The following CABLES1 variants were observed in gnomAD, a reference collection of about 807,000 sequenced individuals.
The protein encoded by CABLES1 is Cdk5 and Abl enzyme substrate 1.
In CABLES1, 36 loss-of-function variants were observed where a neutral mutation model predicts 57.8. That is an observed-to-expected ratio of 0.62 (90% CI 0.48 to 0.82). The LOEUF (loss-of-function observed/expected upper bound fraction) is 0.82, where lower values mean the gene tolerates loss of function less well. Among genes scored for constraint, CABLES1 ranks in the 40% least tolerant of loss-of-function variants. The pLI is 0.00. For missense variants in CABLES1, 767 were observed against 836.6 expected (o/e 0.92, Z 1.03); for synonymous variants, 374 against 363.0 (o/e 1.03, Z -0.35).
chr18:23,237,920 G>A (rs964923053), intron 7 of CABLES1, among the ~76,000 whole-genome samples: 5 of 151,966 alleles, frequency 3.3e-5, no homozygotes, highest in East Asian at 3.9e-4. Context: ...GCAGAGCCCC[G>A]CCTGCTGTGG....
intron 4 of CABLES1, 103 bp downstream of exon 4, chr18:23,214,157 T>C: frequency 1.4e-6 from 1 of 736,618 alleles, no homozygotes. Flanking sequence ...TTGCCTTGCT[T>C]TGATACTGCA....
At chr18:23,230,368 T>C (rs747616875) in intron 4 of CABLES1, among the ~76,000 whole-genome samples, 5 of 152,164 alleles carry the variant, frequency 3.3e-5, no homozygotes, top group Non-Finnish European at 7.4e-5. Context: ...CAAGACTCCA[T>C]CTCAAAACAA....
intron 1 of CABLES1, among the ~76,000 whole-genome samples, chr18:23,166,684 T>C (rs536755027): frequency 2.7e-4 from 41 of 152,380 alleles, no homozygotes; most frequent in African/African-American, 9.9e-4. Flanking sequence ...CTGTCAGTTA[T>C]AATTTTTTGT....
chr18:23,144,995 G>A (rs897507245), intron 1 of CABLES1, among the ~76,000 whole-genome samples: 4 of 151,446 alleles, frequency 2.6e-5, no homozygotes, highest in Admixed American at 6.6e-5. Flanking sequence ...GAGTACAGTG[G>A]CGCAATCTCG....
At chr18:23,142,131 A>G (rs1011018073) in intron 1 of CABLES1, among the ~76,000 whole-genome samples, 14 of 152,154 alleles carry the variant, frequency 9.2e-5, no homozygotes, top group African/African-American at 3.4e-4. Context: ...GGGCATGTTT[A>G]GCCTGGGGAC....
intron 4 of CABLES1, among the ~76,000 whole-genome samples, chr18:23,216,070 A>G (rs1316027690): frequency 6.6e-6 from 1 of 152,164 alleles, no homozygotes; most frequent in Non-Finnish European, 1.5e-5. Context: ...AACTTTTAAT[A>G]CATGCTGGAG....
intron 3 of CABLES1, among the ~76,000 whole-genome samples, chr18:23,198,612 T>C (rs982971114): frequency 1.3e-5 from 2 of 152,198 alleles, no homozygotes; most frequent in Non-Finnish European, 2.9e-5. Flanking sequence ...ACAGAGCCCT[T>C]AAAAGCGGAA....
chr18:23,257,145 G>A (rs1043267053), intron 9 of CABLES1, 82 bp from the exon 10 acceptor site: 2 of 1,501,188 alleles, frequency 1.3e-6, no homozygotes, highest in African/African-American at 2.8e-5. Flanking sequence ...TCACTGGCTG[G>A]TGGATAGAGA....
rs145308301 is a variant in CABLES1 at position 23,234,123 on chromosome 18, C to G, written c.1089-485C>G. ...ATCCCAGCTACTCAGGAGGCTGAGG[C>G]AGAAGAATCGCTTGAACCTGGGAGG... On this transcript the variant is annotated intron_variant, in intron 4 of 9. Coordinates refer to ENST00000256925, the MANE Select transcript of CABLES1 (RefSeq NM_001100619.3). Among the ~76,000 whole-genome samples, 121 of 152,288 alleles carry G rather than the reference C, an allele frequency of 7.9e-4. No homozygotes were observed. The East Asian group carries it at 0.023, about 29-fold the overall frequency.
intron 1 of CABLES1, among the ~76,000 whole-genome samples, chr18:23,140,216 G>A (rs1203176275): frequency 2.6e-5 from 4 of 152,160 alleles, no homozygotes; most frequent in Non-Finnish European, 4.4e-5. Flanking sequence ...ATAGGTGAAA[G>A]GGAGTGTGAA....
At chr18:23,181,840 G>A (rs938649455) in intron 1 of CABLES1, among the ~76,000 whole-genome samples, 2 of 152,230 alleles carry the variant, frequency 1.3e-5, no homozygotes, top group Non-Finnish European at 1.5e-5. Flanking sequence ...TGGGTGTCTT[G>A]TGACTGTGTT....
chr18:23,148,713 G>A (rs1189453255), intron 1 of CABLES1, among the ~76,000 whole-genome samples: 1 of 152,154 alleles, frequency 6.6e-6, no homozygotes, highest in Non-Finnish European at 1.5e-5. Context: ...TTGAAACTGG[G>A]CCTTCAGGTC....
chr18:23,141,750 C>T (rs1271284380), intron 1 of CABLES1, among the ~76,000 whole-genome samples: 1 of 151,990 alleles, frequency 6.6e-6, no homozygotes, highest in African/African-American at 2.4e-5. Context: ...CTGGGGAGGC[C>T]AGTGAGCTCA....
At chr18:23,242,236 C>G (rs1303199025) in intron 7 of CABLES1, among the ~76,000 whole-genome samples, 1 of 152,122 alleles carries the variant, frequency 6.6e-6, no homozygotes, top group Non-Finnish European at 1.5e-5. Flanking sequence ...TGAGATCACA[C>G]TATTGCACTC....
chr18:23,222,302 CA>C lies in CABLES1; in HGVS notation c.1088+8249del, dbSNP rs554376767. On this transcript the variant is annotated intron_variant, in intron 4 of 9. Coordinates refer to ENST00000256925, the MANE Select transcript of CABLES1 (RefSeq NM_001100619.3). The stretch of plus-strand genomic sequence containing the variant: ...CCCCCAGCACCTGTTCCCCCACCCC[CA>C]GCTCCACTAAGAGCCCCTTCCTGTC... Among the ~76,000 whole-genome samples the C allele has an allele frequency of 2.1e-3, 312 of 152,182 alleles. 1 individual carries two copies. Among genetic ancestry groups the C allele is most frequent in the African/African-American group, 7.2e-3 (298 of 41,498 alleles).
In CABLES1 at chr18:23,205,181, CTTTTTT is replaced by C. The variant is rs34690271; in HGVS notation, c.1011-8777_1011-8772del. On this transcript the variant is annotated intron_variant, in intron 3 of 9. Transcript: ENST00000256925. The stretch of plus-strand genomic sequence containing the variant: ...AATTCCAAAAGGACTTCATTCCTGA[CTTTTTT>C]TTTTTTTTTTTTTTTTTTGAGACGG... Among the ~76,000 whole-genome samples the C allele has an allele frequency of 7.4e-5, 6 of 81,188 alleles. 1 individual carries two copies. Among genetic ancestry groups the C allele is most frequent in the African/African-American group, 1.5e-4 (3 of 19,700 alleles). 53.3% of individuals were successfully genotyped at this position (81,188 alleles called of 152,430 possible). A position where few individuals can be genotyped will look rare whatever the true frequency, so the allele number is the denominator to read the frequency against.
rs914289893 is a variant in CABLES1 at position 23,245,503 on chromosome 18, C to CAA, written c.1447-7441_1447-7440dup. ...GGCAACAGAGTCACCCATCCTGTCTCAAAAAAAAAAAAAAAAAGCGAAATA... is the reference window on the plus strand; with the variant it reads ...GGCAACAGAGTCACCCATCCTGTCTCAAAAAAAAAAAAAAAAAAAGCGAAATA... On this transcript the variant is annotated intron_variant, in intron 7 of 9. Coordinates refer to ENST00000256925, the MANE Select transcript of CABLES1 (RefSeq NM_001100619.3). 4.6e-3 allele frequency among the ~76,000 whole-genome samples: 433 copies of CAA among 94,568 alleles called. 4 individuals are homozygous for CAA. Among genetic ancestry groups the CAA allele is most frequent in the African/African-American group, 0.016 (408 of 26,298 alleles). 62.0% of individuals were successfully genotyped at this position (94,568 alleles called of 152,430 possible). A position where few individuals can be genotyped will look rare whatever the true frequency, so the allele number is the denominator to read the frequency against.
At chr18:23,214,327 A>G (rs1330290290) in intron 4 of CABLES1, 3 of 327,480 alleles carry the variant, frequency 9.2e-6, no homozygotes, top group Non-Finnish European at 1.7e-5. Flanking sequence ...TAGCAAGAAC[A>G]TTATGGGGCC....
At chr18:23,183,525 G>A (rs888052901) in intron 1 of CABLES1, among the ~76,000 whole-genome samples, 1 of 152,194 alleles carries the variant, frequency 6.6e-6, no homozygotes, top group Non-Finnish European at 1.5e-5. Context: ...GCTGCCTTAC[G>A]CATGAGCATT....
Sources: allele counts gnomAD v4.1 joint callset (sites outside exome capture counted in the v4.1 genomes callset), GRCh38; gene constraint gnomAD v4.1.1; transcripts MANE v1.5; gene names NCBI Gene and HGNC (gene_info 2026-07-23, HGNC 2026-07-21).